The following BCO1 variants were observed in gnomAD, a reference collection of about 807,000 sequenced individuals.
BCO1 encodes the protein beta,beta-carotene 15,15'-dioxygenase.
In BCO1, 54 loss-of-function variants were observed where a neutral mutation model predicts 56.3. The observed-to-expected ratio is 0.96, with a 90% CI of 0.77 to 1.20. The LOEUF (loss-of-function observed/expected upper bound fraction) is 1.20. Ranked by LOEUF, BCO1 falls within the 50% of genes most tolerant of loss-of-function variation. The probability of loss-of-function intolerance (pLI) is 0.00; values close to 1 mark genes in which losing one functional copy is unlikely to be tolerated. For synonymous variants in BCO1, 318 were observed against 266.1 expected (o/e 1.20, Z -1.90); for missense variants, 801 against 690.9 (o/e 1.16, Z -1.79).
At chr16:81,240,930 G>T (rs1342474447) in intron 1 of BCO1, among the ~76,000 whole-genome samples, 1 of 150,520 alleles carries the variant, frequency 6.6e-6, no homozygotes, top group African/African-American at 2.4e-5. Flanking sequence ...TGCCTCCTGG[G>T]TTCAAGCGAT....
chr16:81,246,903 A>T (rs1332654045), intron 2 of BCO1, among the ~76,000 whole-genome samples: 1 of 151,642 alleles, frequency 6.6e-6, no homozygotes, highest in African/African-American at 2.4e-5. Context: ...AAAGCTGCAT[A>T]TATTGCCCAT....
Position 81,268,499 on chromosome 16 carries a change from C to G in BCO1, c.843+368C>G, listed in dbSNP as rs1267753809. Among the ~76,000 whole-genome samples, 10 of 152,320 alleles carry G rather than the reference C, an allele frequency of 6.6e-5. No homozygotes were observed. The East Asian group carries it at 1.5e-3, about 24-fold the overall frequency. On this transcript the variant is annotated intron_variant, in intron 6 of 10. Coordinates refer to ENST00000258168, the MANE Select transcript of BCO1 (RefSeq NM_017429.3). ...TGTTGACAAGACCCCTTAACCATGT[C>G]TGCTACCAGTGTGTAGCGTTGGGGC...
Position 81,262,116 on chromosome 16 carries a change from T to C in BCO1, c.324-20T>C, listed in dbSNP as rs745483499. ...GGGTGGACATAGCCACTGACTCTGTTGATTTGCTTTTCTCCCCAGAGCTTT... is the reference window on the plus strand; with the variant it reads ...GGGTGGACATAGCCACTGACTCTGTCGATTTGCTTTTCTCCCCAGAGCTTT... On this transcript the variant is annotated intron_variant, in intron 3 of 10. Coordinates refer to ENST00000258168, the MANE Select transcript of BCO1 (RefSeq NM_017429.3). 7 of 1,612,972 alleles carry C rather than the reference T, an allele frequency of 4.3e-6. No homozygotes were observed. The highest frequency in any genetic ancestry group is 5.9e-6 in the Non-Finnish European group (7 of 1,179,664).
At chr16:81,267,277 G>C (rs1288397366) in intron 5 of BCO1, among the ~76,000 whole-genome samples, 1 of 152,076 alleles carries the variant, frequency 6.6e-6, no homozygotes, top group Admixed American at 6.6e-5. Flanking sequence ...TCTATAAAAT[G>C]GCCATTCTAC....
At chr16:81,269,065 C>CTTTTTTTTTTTT (rs71146003) in intron 6 of BCO1, among the ~76,000 whole-genome samples, 1 of 83,070 alleles carries the variant, frequency 1.2e-5, no homozygotes, top group African/African-American at 5.6e-5. Flanking sequence ...TGCACCTGGT[C>CTTTTTTTTTTTT]TTTTTTTTTT....
chr16:81,239,646 C>T (rs1905025890), intron 1 of BCO1, among the ~76,000 whole-genome samples: 1 of 152,164 alleles, frequency 6.6e-6, no homozygotes, highest in African/African-American at 2.4e-5. Context: ...CGTGCATGAG[C>T]TCCCACGCAT....
chr16:81,256,429 C>T (rs899459780), intron 2 of BCO1, among the ~76,000 whole-genome samples: 3 of 152,102 alleles, frequency 2.0e-5, no homozygotes, highest in Non-Finnish European at 4.4e-5. Flanking sequence ...TTGGCTTTTC[C>T]GTGTGTTGTA....
In BCO1 at chr16:81,259,743, G is replaced by A. The variant is rs754763231; in HGVS notation, c.261G>A (p.Arg87=). 17 of 1,614,092 alleles carry A rather than the reference G, an allele frequency of 1.1e-5. No homozygotes were observed. The highest frequency in any genetic ancestry group is 1.4e-5 in the Non-Finnish European group (17 of 1,180,042). Residue 87 remains arginine, a synonymous_variant, in exon 3 of 11, where the codon AGG becomes AGA. Transcript: ENST00000258168. ...ACAACACCAATATTGAGGCAAACAG[G>A]ATTGTGGTGTCTGAGTTTGGAACAA... The part of the protein sequence containing the change: ...DTYNTNIEAN[R]IVVSEFGTMA...
chr16:81,278,457 A>G (rs1368769856), intron 7 of BCO1, among the ~76,000 whole-genome samples: 2 of 152,166 alleles, frequency 1.3e-5, no homozygotes, highest in African/African-American at 2.4e-5. Flanking sequence ...TTGACAGCCC[A>G]AAGAAAAGCT....
intron 7 of BCO1, among the ~76,000 whole-genome samples, chr16:81,280,138 C>A (rs140749915): frequency 0.018 from 2,713 of 151,816 alleles, 80 homozygotes; most frequent in African/African-American, 0.063. Context: ...TGGAATGAAC[C>A]TGTAATCCCA....
chr16:81,287,340 G>C lies in BCO1; in HGVS notation c.1348G>C (p.Glu450Gln). ...ILTKSSLKWR[E>Q]DDCWPAEPLF... Reference sequence around the variant, plus strand: ...CACAAAGTCATCCTTAAAATGGAGAGAGGACGACTGCTGGCCAGCGGAACC... The same window carrying C: ...CACAAAGTCATCCTTAAAATGGAGACAGGACGACTGCTGGCCAGCGGAACC... The change falls in exon 10 of 11, where the codon GAG becomes CAG. Residue 450 changes from glutamate to glutamine, a missense_variant. Physicochemically the swap from Glu to Gln is conservative, Grantham distance 29. Coordinates refer to ENST00000258168, the MANE Select transcript of BCO1 (RefSeq NM_017429.3). The C allele has an allele frequency of 1.2e-6, 2 of 1,614,102 alleles. No homozygotes were observed. The highest frequency in any genetic ancestry group is 1.1e-5 in the South Asian group (1 of 91,072).
At chr16:81,269,695 C>T (rs1249482503) in intron 6 of BCO1, among the ~76,000 whole-genome samples, 1 of 152,156 alleles carries the variant, frequency 6.6e-6, no homozygotes, top group African/African-American at 2.4e-5. Context: ...TCTTGAACTC[C>T]TGACCTCAAG....
intron 4 of BCO1, chr16:81,262,841 A>AAAC (rs1906576247): frequency 1.5e-5 from 2 of 132,830 alleles, no homozygotes; most frequent in South Asian, 2.4e-4. Flanking sequence ...AAAAACAAAA[A>AAAC]AAAAAAAAAA....
intron 10 of BCO1, among the ~76,000 whole-genome samples, chr16:81,289,404 G>A (rs777800712): frequency 2.0e-5 from 3 of 152,158 alleles, no homozygotes; most frequent in African/African-American, 4.8e-5. Context: ...GCACTTGGGA[G>A]GTCAAGGTAG....
At chr16:81,251,337 T>A (rs1162777478) in intron 2 of BCO1, among the ~76,000 whole-genome samples, 2 of 151,722 alleles carry the variant, frequency 1.3e-5, no homozygotes, top group Non-Finnish European at 2.9e-5. Context: ...GGTGGGAGGA[T>A]CCCTTGAGCC....
At chr16:81,262,379 C>T (rs930314881) in intron 4 of BCO1, 96 bp downstream of exon 4, 18 of 1,357,744 alleles carry the variant, frequency 1.3e-5, no homozygotes, top group Non-Finnish European at 1.7e-5. Flanking sequence ...AAGCAGCTTA[C>T]CAGGGGAGCC....
chr16:81,256,480 G>C (rs545617304), intron 2 of BCO1, among the ~76,000 whole-genome samples: 1 of 152,286 alleles, frequency 6.6e-6, no homozygotes, highest in South Asian at 2.1e-4. Flanking sequence ...CCACGAAAAT[G>C]AAATGCGTTC....
At chr16:81,266,665 C>A (rs142518994) in intron 5 of BCO1, among the ~76,000 whole-genome samples, 30 of 152,242 alleles carry the variant, frequency 2.0e-4, no homozygotes, top group African/African-American at 7.0e-4. Flanking sequence ...AGTTTGCCAC[C>A]TTGTATTACA....
At chr16:81,255,879 T>A (rs1000378998) in intron 2 of BCO1, among the ~76,000 whole-genome samples, 5 of 151,774 alleles carry the variant, frequency 3.3e-5, no homozygotes, top group Non-Finnish European at 7.4e-5. Context: ...AGGCTGGACT[T>A]CAGTGGCACG....
Sources: gnomAD v4.1 joint callset for allele counts (sites outside exome capture counted in the v4.1 genomes callset) on GRCh38, gnomAD v4.1.1 for gene constraint, MANE v1.5 for transcripts, NCBI Gene and HGNC (gene_info 2026-07-23, HGNC 2026-07-21) for gene names.